Variants in UTRN observed in about 807,000 individuals in gnomAD.
UTRN encodes utrophin.
Under a neutral mutation model 463.9 loss-of-function variants are expected in UTRN, and 283 were observed. The ratio of observed to expected loss-of-function variants is 0.61; its 90% CI spans 0.55 to 0.67. UTRN has a LOEUF of 0.67. UTRN is among the 30% of genes least tolerant of loss of function. The pLI is 0.00. For synonymous variants in UTRN, 1,442 were observed against 1,431.5 expected (o/e 1.01, Z -0.17); for missense variants, 3,922 against 4,084.3 (o/e 0.96, Z 1.08).
chr6:144,659,221 T>C (rs1779617342), intron 51 of UTRN, among the ~76,000 whole-genome samples: 1 of 152,212 alleles, frequency 6.6e-6, no homozygotes, highest in African/African-American at 2.4e-5. Flanking sequence ...ATGTAAAAGA[T>C]AGAGAACTGA....
Position 144,494,566 on chromosome 6 carries a change from A to G in UTRN, c.4593+1110A>G, listed in dbSNP as rs1309175670. On this transcript the variant is annotated intron_variant, in intron 33 of 74. Transcript: ENST00000367545. Reference sequence around the variant, plus strand: ...CTGCTGGCTCGCGCAGCCTGCTTTTATTCTCTTATCTGGCCCTACCCACAT... The same window carrying G: ...CTGCTGGCTCGCGCAGCCTGCTTTTGTTCTCTTATCTGGCCCTACCCACAT... Among the ~76,000 whole-genome samples, 10 of 152,314 alleles carry G rather than the reference A, an allele frequency of 6.6e-5. No homozygotes were observed. The East Asian group carries it at 1.9e-3, about 29-fold the overall frequency.
At chr6:144,350,255 C>G (rs1271108925) in intron 2 of UTRN, among the ~76,000 whole-genome samples, 2 of 141,868 alleles carry the variant, frequency 1.4e-5, no homozygotes, top group African/African-American at 5.8e-5. Flanking sequence ...AGACTGTTTT[C>G]TAAAAAAAAA....
At chr6:144,821,193 A>G (rs188809157) in intron 66 of UTRN, among the ~76,000 whole-genome samples, 175 bp downstream of exon 66, 1 of 152,354 alleles carries the variant, frequency 6.6e-6, no homozygotes, top group East Asian at 1.9e-4. Context: ...TGACAATGTC[A>G]CAGCCAAAAT....
At chr6:144,561,624 T>C (rs1248794062) in intron 50 of UTRN, among the ~76,000 whole-genome samples, 2 of 152,110 alleles carry the variant, frequency 1.3e-5, no homozygotes, top group African/African-American at 4.8e-5. Context: ...GTAAGGTATA[T>C]GGGGCAATCC....
At chr6:144,442,689 G>A (rs1165530435) in intron 13 of UTRN, among the ~76,000 whole-genome samples, 1 of 152,128 alleles carries the variant, frequency 6.6e-6, no homozygotes, top group Non-Finnish European at 1.5e-5. Context: ...ACTATAATGA[G>A]AACAGCATGG....
At chr6:144,545,062 C>T (rs886064854) in intron 46 of UTRN, among the ~76,000 whole-genome samples, 3 of 152,116 alleles carry the variant, frequency 2.0e-5, no homozygotes, top group African/African-American at 4.8e-5. Context: ...TTAGATGATT[C>T]ACCCAGTCCT....
intron 2 of UTRN, among the ~76,000 whole-genome samples, chr6:144,389,567 G>T (rs1040608218): frequency 4.7e-5 from 7 of 150,188 alleles, no homozygotes; most frequent in African/African-American, 1.7e-4. Context: ...AGTCTGAGAA[G>T]TTTTTGCACA....
At chr6:144,680,379 A>G (rs1026657470) in intron 52 of UTRN, among the ~76,000 whole-genome samples, 1 of 152,194 alleles carries the variant, frequency 6.6e-6, no homozygotes, top group Non-Finnish European at 1.5e-5. Context: ...TACAGTTGGA[A>G]TATTATGTAA....
chr6:144,634,379 G>C (rs1413610371), intron 51 of UTRN, among the ~76,000 whole-genome samples: 1 of 152,174 alleles, frequency 6.6e-6, no homozygotes, highest in Non-Finnish European at 1.5e-5. Context: ...GGTTAGCGTT[G>C]CCATGTGGGT....
chr6:144,471,057 A>AGGGGGGGGAGGGGGT (rs1454781033), intron 23 of UTRN, among the ~76,000 whole-genome samples: 2,480 of 21,198 alleles, frequency 0.12, 68 homozygotes, highest in Middle Eastern at 0.19. Flanking sequence ...AGGGAGGGGG[A>AGGGGGGGGAGGGGGT]GAGGGAGGGG....
At chr6:144,796,013 C>T (rs1777181572) in intron 63 of UTRN, among the ~76,000 whole-genome samples, 1 of 152,082 alleles carries the variant, frequency 6.6e-6, no homozygotes, top group South Asian at 2.1e-4. Context: ...ATGGTATTGC[C>T]TAGGTTTTCA....
At chr6:144,344,650 C>T (rs1458104201) in intron 2 of UTRN, among the ~76,000 whole-genome samples, 1 of 152,248 alleles carries the variant, frequency 6.6e-6, no homozygotes, top group Admixed American at 6.5e-5. Context: ...TTACTGCCAT[C>T]TAGAGAAGAA....
chr6:144,635,139 T>G lies in UTRN; in HGVS notation c.7480-43267T>G, dbSNP rs9497028. ...TCTAAAACCTCCAGTTATTTGTGTGTTTTTTTTTTTTTTTTTTTTTGGAGA... is the reference window on the plus strand; with the variant it reads ...TCTAAAACCTCCAGTTATTTGTGTGGTTTTTTTTTTTTTTTTTTTTGGAGA... On this transcript the variant is annotated intron_variant, in intron 51 of 74. Coordinates refer to ENST00000367545, the MANE Select transcript of UTRN (RefSeq NM_007124.3). Among the ~76,000 whole-genome samples the G allele has an allele frequency of 9.0e-4, 59 of 65,770 alleles. 1 individual carries two copies. In the East Asian group the frequency reaches 0.04, roughly 45 times the overall value. 43.1% of individuals were successfully genotyped at this position (65,770 alleles called of 152,430 possible).
At chr6:144,835,006 A>ATCTCAC (rs1326293226) in intron 69 of UTRN, among the ~76,000 whole-genome samples, 2 of 152,182 alleles carry the variant, frequency 1.3e-5, no homozygotes, top group Non-Finnish European at 2.9e-5. Flanking sequence ...CATTTATAAG[A>ATCTCAC]TCTCACTGGA....
chr6:144,525,310 G>T (rs1486660334), intron 41 of UTRN, among the ~76,000 whole-genome samples: 1 of 151,976 alleles, frequency 6.6e-6, no homozygotes, highest in African/African-American at 2.4e-5. Context: ...GAACCCATCG[G>T]GTCCTGGGCT....
At chr6:144,711,780 C>T (rs1785740297) in intron 53 of UTRN, among the ~76,000 whole-genome samples, 1 of 152,182 alleles carries the variant, frequency 6.6e-6, no homozygotes, top group Non-Finnish European at 1.5e-5. Context: ...TGTGTTCTTT[C>T]CCTCAGGGCT....
intron 51 of UTRN, among the ~76,000 whole-genome samples, chr6:144,620,519 C>T (rs1775249216): frequency 6.6e-6 from 1 of 152,100 alleles, no homozygotes; most frequent in Non-Finnish European, 1.5e-5. Context: ...TGTTAAATTT[C>T]TGCCATCACT....
Position 144,457,974 on chromosome 6 carries a change from G to A in UTRN, c.2285-796G>A, listed in dbSNP as rs536987637. 2.6e-5 allele frequency among the ~76,000 whole-genome samples: 4 copies of A among 152,236 alleles called. No homozygotes were observed. In the South Asian group the frequency reaches 8.3e-4, roughly 32 times the overall value. ...ATACTTTTTCATAGTCATTTTAGAG[G>A]ATTTGAAGGTATTTTAGATTAAGGG... On this transcript the variant is annotated intron_variant, in intron 19 of 74. Transcript: ENST00000367545.
chr6:144,421,417 C>T (rs1447539904), intron 3 of UTRN, among the ~76,000 whole-genome samples: 1 of 152,106 alleles, frequency 6.6e-6, no homozygotes, highest in Non-Finnish European at 1.5e-5. Context: ...GGGCCGGGTG[C>T]AGTGGCTCAC....
Sources: allele counts gnomAD v4.1 joint callset (sites outside exome capture counted in the v4.1 genomes callset), GRCh38; gene constraint gnomAD v4.1.1; transcripts MANE v1.5; gene names NCBI Gene and HGNC (gene_info 2026-07-23, HGNC 2026-07-21).